The following RABL3 variants were observed in gnomAD, a reference collection of about 807,000 sequenced individuals.
RABL3 encodes the protein RAB, member of RAS oncogene family like 3.
RABL3 carries 31 observed loss-of-function variants against 31.8 expected under a neutral mutation model. That is an observed-to-expected ratio of 0.97 (90% CI 0.73 to 1.31). The LOEUF (loss-of-function observed/expected upper bound fraction) is 1.31, where lower values mean the gene tolerates loss of function less well. Ranked by LOEUF, RABL3 falls within the 40% of genes most tolerant of loss-of-function variation. The pLI is 0.00. For missense variants in RABL3, 263 were observed against 279.6 expected (o/e 0.94, Z 0.42); for synonymous variants, 97 against 99.9 (o/e 0.97, Z 0.18).
In RABL3 at chr3:120,732,973, T is replaced by C. The variant is rs1559823501; in HGVS notation, c.47-2186A>G. ...AATCCAGTCTATCATTGATGGACAT[T>C]TGGGTTGGTTCCAAGTCTTTGCTAT... On this transcript the variant is annotated intron_variant, in intron 1 of 7. Transcript: ENST00000273375. Among the ~76,000 whole-genome samples the C allele has an allele frequency of 2.0e-5, 3 of 152,184 alleles. No homozygotes were observed. In the South Asian group the frequency reaches 6.2e-4, roughly 31 times the overall value.
chr3:120,694,564 CAGAG>C (rs948182162), intron 5 of RABL3, among the ~76,000 whole-genome samples: 3 of 151,788 alleles, frequency 2.0e-5, no homozygotes, highest in South Asian at 4.2e-4. Context: ...CCCCGAAAAC[CAGAG>C]AGAGAGAGCC....
chr3:120,723,844 AC>A (rs1708781378), intron 2 of RABL3, among the ~76,000 whole-genome samples: 1 of 152,106 alleles, frequency 6.6e-6, no homozygotes, highest in Non-Finnish European at 1.5e-5. Context: ...CCAATATCAT[AC>A]TGAATGGGCA....
rs139304138 is a variant in RABL3 at position 120,717,229 on chromosome 3, G to A, written c.139-7320C>T. On this transcript the variant is annotated intron_variant, in intron 2 of 7. Transcript: ENST00000273375. ...CAAAATTATTGTGCCACTGCACTCC[G>A]GCCTGGGCAACAAGAACAAAACTCC... Among the ~76,000 whole-genome samples the A allele has an allele frequency of 4.0e-3, 601 of 150,894 alleles. 8 individuals are homozygous for A. Among genetic ancestry groups the A allele is most frequent in the African/African-American group, 0.014 (567 of 41,082 alleles).
chr3:120,691,590 G>A (rs1559809920), intron 6 of RABL3, among the ~76,000 whole-genome samples: 1 of 152,214 alleles, frequency 6.6e-6, no homozygotes, highest in Non-Finnish European at 1.5e-5. Context: ...GCGATGCTTG[G>A]TAAGTTGGGT....
At chr3:120,737,388 A>C (rs958952045) in intron 1 of RABL3, among the ~76,000 whole-genome samples, 2 of 152,262 alleles carry the variant, frequency 1.3e-5, no homozygotes, top group Admixed American at 1.3e-4. Flanking sequence ...TCATTTAAGG[A>C]CTTCTCTACA....
In RABL3 at chr3:120,687,132, G is replaced by A. The variant is rs1252384465; in HGVS notation, c.*2691C>T. 1 of 152,142 alleles carries A rather than the reference G, an allele frequency of 6.6e-6. No individual in the cohort carries two copies. Among genetic ancestry groups the A allele is most frequent in the Non-Finnish European group, 1.5e-5 (1 of 68,030 alleles). The allele number at this position is 152,142 out of a possible 1,614,324, so 9.4% of individuals were successfully genotyped here. On this transcript the variant is annotated 3_prime_UTR_variant, in exon 8 of 8. Coordinates refer to ENST00000273375, the MANE Select transcript of RABL3 (RefSeq NM_173825.5). ...AAATCTTTAGTTGGATTCCAGCTAA[G>A]TCTTATACACCTAAGGGACAGAGGA...
chr3:120,732,904 A>G lies in RABL3; in HGVS notation c.47-2117T>C, dbSNP rs187095530. ...AAAGGACATGAACTCATCATTTTTT[A>G]TGGCTGCATAGTATTCCATGGTGTA... On this transcript the variant is annotated intron_variant, in intron 1 of 7. Coordinates refer to ENST00000273375, the MANE Select transcript of RABL3 (RefSeq NM_173825.5). Among the ~76,000 whole-genome samples the G allele has an allele frequency of 4.0e-3, 607 of 152,204 alleles. 8 individuals are homozygous for G. The highest frequency in any genetic ancestry group is 0.014 in the African/African-American group (581 of 41,502).
At chr3:120,712,728 G>C (rs1708626062) in intron 2 of RABL3, among the ~76,000 whole-genome samples, 1 of 152,084 alleles carries the variant, frequency 6.6e-6, no homozygotes, top group African/African-American at 2.4e-5. Context: ...CTAGAAAATA[G>C]CATAATATCT....
chr3:120,726,905 T>C (rs561079511), intron 2 of RABL3, among the ~76,000 whole-genome samples: 2 of 152,066 alleles, frequency 1.3e-5, no homozygotes, highest in East Asian at 1.9e-4. Flanking sequence ...ATAAACATTG[T>C]CAAATGTTTG....
chr3:120,692,536 T>C (rs1224664705), intron 6 of RABL3, among the ~76,000 whole-genome samples: 1 of 152,186 alleles, frequency 6.6e-6, no homozygotes, highest in East Asian at 1.9e-4. Context: ...GAAGAACTGA[T>C]GTATAGAAAA....
intron 2 of RABL3, among the ~76,000 whole-genome samples, chr3:120,729,457 A>G (rs1277208512): frequency 6.6e-6 from 1 of 152,202 alleles, no homozygotes; most frequent in Non-Finnish European, 1.5e-5. Context: ...TCCATGAAGT[A>G]GAGTAGCATA....
chr3:120,737,148 A>C (rs1177668345), intron 1 of RABL3, among the ~76,000 whole-genome samples: 1 of 152,108 alleles, frequency 6.6e-6, no homozygotes, highest in African/African-American at 2.4e-5. Flanking sequence ...TCTCCCTGTC[A>C]CTTTCAGGTA....
chr3:120,710,439 A>G (rs921075294), intron 2 of RABL3: 3 of 152,174 alleles, frequency 2.0e-5, no homozygotes, highest in Non-Finnish European at 2.9e-5. Context: ...AACTTCTAAT[A>G]TCTCTTCCCC....
At chr3:120,709,684 CAA>C (rs1708590068) in intron 3 of RABL3, 94 bp downstream of exon 3, 2 of 921,632 alleles carry the variant, frequency 2.2e-6, no homozygotes, top group Non-Finnish European at 3.3e-6. Flanking sequence ...ATATCTTTCT[CAA>C]ATTAAGATGA....
chr3:120,727,359 T>G (rs993588996), intron 2 of RABL3, among the ~76,000 whole-genome samples: 1 of 152,166 alleles, frequency 6.6e-6, no homozygotes, highest in African/African-American at 2.4e-5. Flanking sequence ...AAAATTTTTT[T>G]GTGTCAATTT....
intron 2 of RABL3, among the ~76,000 whole-genome samples, chr3:120,711,221 C>T (rs1708609313): frequency 6.6e-6 from 1 of 152,092 alleles, no homozygotes; most frequent in Non-Finnish European, 1.5e-5. Context: ...TCTATCAATA[C>T]TCATTCTTGT....
intron 2 of RABL3, among the ~76,000 whole-genome samples, 187 bp from the exon 3 acceptor site, chr3:120,710,096 T>G (rs1320981275): frequency 6.6e-6 from 1 of 152,088 alleles, no homozygotes; most frequent in Non-Finnish European, 1.5e-5. Flanking sequence ...TAATTAATCT[T>G]AACATCTTTC....
intron 2 of RABL3, among the ~76,000 whole-genome samples, chr3:120,729,783 T>A (rs1708861187): frequency 6.6e-6 from 1 of 152,026 alleles, no homozygotes; most frequent in Admixed American, 6.6e-5. Context: ...TATTAACAGT[T>A]ATGAAGAACA....
chr3:120,728,608 C>A (rs563079149), intron 2 of RABL3, among the ~76,000 whole-genome samples: 4 of 152,002 alleles, frequency 2.6e-5, no homozygotes, highest in Admixed American at 6.6e-5. Flanking sequence ...TGCTAAATGA[C>A]GAGTTAATGG....
Sources: allele counts gnomAD v4.1 joint callset (sites outside exome capture counted in the v4.1 genomes callset), GRCh38; gene constraint gnomAD v4.1.1; transcripts MANE v1.5; gene names NCBI Gene and HGNC (gene_info 2026-07-23, HGNC 2026-07-21).